The following ROBO2 variants were observed in gnomAD, a reference collection of about 807,000 sequenced individuals.
ROBO2 encodes the protein roundabout homolog 2.
Under a neutral mutation model 160.8 loss-of-function variants are expected in ROBO2, and 53 were observed. The ratio of observed to expected loss-of-function variants is 0.33; its 90% CI spans 0.26 to 0.41. The LOEUF (loss-of-function observed/expected upper bound fraction) is 0.41, where lower values mean the gene tolerates loss of function less well. Ranked by LOEUF, ROBO2 falls within the 10% of genes least tolerant of loss-of-function variation. The probability of loss-of-function intolerance (pLI) is 1.00; values close to 1 mark genes in which losing one functional copy is unlikely to be tolerated. For synonymous variants in ROBO2, 664 were observed against 611.7 expected (o/e 1.09, Z -1.26); for missense variants, 1,577 against 1,722.4 (o/e 0.92, Z 1.49).
rs528505058 is a variant in ROBO2 at position 77,354,043 on chromosome 3, A to T, written c.389-123371A>T. Among the ~76,000 whole-genome samples, 22 of 152,246 alleles carry T rather than the reference A, an allele frequency of 1.4e-4. 1 individual carries two copies. The South Asian group carries it at 4.4e-3, about 30-fold the overall frequency. On this transcript the variant is annotated intron_variant, in intron 2 of 25. Coordinates refer to ENST00000461745, the Ensembl canonical transcript of ROBO2. The stretch of plus-strand genomic sequence containing the variant: ...ATTATGCCCTTGGGCCACATTGAGG[A>T]TCTTTAGAAAAAAACAGCCCTGAGA...
intron 2 of ROBO2, among the ~76,000 whole-genome samples, chr3:76,555,357 AGAGAAGAAGAAGAAG>A (rs2083648429): frequency 3.6e-5 from 1 of 27,716 alleles, no homozygotes; most frequent in Admixed American, 5.9e-4. Flanking sequence ...GAGTAGGAAG[AGAGAAGAAGAAGAAG>A]AAGAAGAAGA....
chr3:77,394,815 TATG>T (rs2075109523), intron 2 of ROBO2, among the ~76,000 whole-genome samples: 1 of 152,166 alleles, frequency 6.6e-6, no homozygotes, highest in Non-Finnish European at 1.5e-5. Context: ...CACTGTTTCA[TATG>T]ATATTCATAT....
chr3:77,222,523 G>T (rs2085959377), intron 2 of ROBO2, among the ~76,000 whole-genome samples: 1 of 152,146 alleles, frequency 6.6e-6, no homozygotes, highest in African/African-American at 2.4e-5. Context: ...GTAAGAACTT[G>T]CAAGTAAGAG....
chr3:77,251,695 C>T (rs546180910), intron 2 of ROBO2, among the ~76,000 whole-genome samples: 1 of 152,148 alleles, frequency 6.6e-6, no homozygotes, highest in African/African-American at 2.4e-5. Flanking sequence ...GATTGAATCA[C>T]GGGGGCGGTC....
At chr3:76,518,693 T>G (rs1472608558) in intron 2 of ROBO2, among the ~76,000 whole-genome samples, 2 of 152,162 alleles carry the variant, frequency 1.3e-5, no homozygotes, top group Non-Finnish European at 2.9e-5. Context: ...TGTGTTATTT[T>G]GAAAATAAAT....
intron 2 of ROBO2, among the ~76,000 whole-genome samples, chr3:76,371,420 A>C (rs1022305397): frequency 1.3e-5 from 2 of 151,866 alleles, no homozygotes; most frequent in African/African-American, 4.8e-5. Context: ...GCAAAACAAG[A>C]AACTTAAAGA....
chr3:77,482,432 A>G (rs2084817045), intron 4 of ROBO2, among the ~76,000 whole-genome samples: 2 of 152,090 alleles, frequency 1.3e-5, no homozygotes, highest in South Asian at 4.1e-4. Context: ...TCAAGAGTTA[A>G]GATTGTGCTT....
chr3:75,945,502 A>G (rs548700904), intron 2 of ROBO2, among the ~76,000 whole-genome samples: 7 of 152,106 alleles, frequency 4.6e-5, no homozygotes, highest in Non-Finnish European at 7.4e-5. Context: ...GAAAGTTCGT[A>G]GGGACCTTAG....
chr3:76,826,254 A>G (rs2066579220), intron 2 of ROBO2, among the ~76,000 whole-genome samples: 1 of 152,122 alleles, frequency 6.6e-6, no homozygotes. Flanking sequence ...TGCAATTGCC[A>G]TGTAGATAGA....
exon 11 of ROBO2, chr3:77,563,281 G>T: frequency 1.2e-6 from 2 of 1,613,624 alleles, no homozygotes; most frequent in African/African-American, 2.7e-5. Flanking sequence ...TGGCAGCCAG[G>T]TACCCCTGGA....
chr3:76,824,795 G>A (rs1327645885), intron 2 of ROBO2, among the ~76,000 whole-genome samples: 6 of 152,082 alleles, frequency 3.9e-5, no homozygotes, highest in Non-Finnish European at 7.3e-5. Context: ...AAACCAACCC[G>A]GAAAAATTCC....
At chr3:76,095,069 G>A (rs1015092344) in intron 2 of ROBO2, among the ~76,000 whole-genome samples, 1 of 152,066 alleles carries the variant, frequency 6.6e-6, no homozygotes, top group African/African-American at 2.4e-5. Context: ...AAAGCGATAT[G>A]GAAGACACAC....
At chr3:76,025,614 T>C (rs1039098487) in intron 2 of ROBO2, among the ~76,000 whole-genome samples, 4 of 151,764 alleles carry the variant, frequency 2.6e-5, no homozygotes, top group Admixed American at 2.0e-4. Flanking sequence ...AAACTCACTA[T>C]AGTAATACAT....
intron 2 of ROBO2, among the ~76,000 whole-genome samples, chr3:76,861,459 C>T (rs1400151057): frequency 6.6e-6 from 1 of 152,120 alleles, no homozygotes; most frequent in Non-Finnish European, 1.5e-5. Context: ...CACTATTACT[C>T]CTCTTCCTCT....
intron 2 of ROBO2, among the ~76,000 whole-genome samples, chr3:76,925,053 A>C (rs2076891909): frequency 6.6e-6 from 1 of 151,428 alleles, no homozygotes; most frequent in African/African-American, 2.4e-5. Context: ...CTAAAAATAC[A>C]AAAAATTAGC....
At position 76,050,960 on chromosome 3, in the gene ROBO2, T is replaced by C. The variant is rs2067634696; in HGVS notation, c.109+113358T>C. Among the ~76,000 whole-genome samples the C allele has an allele frequency of 3.3e-5, 5 of 152,254 alleles. No homozygotes were observed. In the South Asian group the frequency reaches 1.0e-3, roughly 31 times the overall value. ...CCTTGTTGCCTGCCCATATTTTAAA[T>C]GTGCAAACCTTGGTGATATATTGAT... On this transcript the variant is annotated intron_variant, in intron 2 of 26. Transcript: ENST00000487694.
chr3:76,178,213 A>G (rs1002747844), intron 2 of ROBO2, among the ~76,000 whole-genome samples: 4 of 152,076 alleles, frequency 2.6e-5, no homozygotes, highest in Non-Finnish European at 5.9e-5. Flanking sequence ...TGGAAATCTG[A>G]CTTTGATGAT....
intron 2 of ROBO2, among the ~76,000 whole-genome samples, chr3:76,021,722 C>T (rs1313188585): frequency 6.6e-6 from 1 of 151,716 alleles, no homozygotes; most frequent in African/African-American, 2.4e-5. Flanking sequence ...TACGTTATTG[C>T]TAAAATGCTA....
At chr3:77,614,172 T>C (rs1170394355) in intron 21 of ROBO2, among the ~76,000 whole-genome samples, 1 of 152,204 alleles carries the variant, frequency 6.6e-6, no homozygotes, top group Non-Finnish European at 1.5e-5. Context: ...GATATTTTCA[T>C]AGATGAATTT....
Sources: allele counts gnomAD v4.1 joint callset (sites outside exome capture counted in the v4.1 genomes callset), GRCh38; gene constraint gnomAD v4.1.1; transcripts MANE v1.5; gene names NCBI Gene and HGNC (gene_info 2026-07-23, HGNC 2026-07-21).